Variants in ACBD6 observed in about 807,000 individuals in gnomAD.
The protein encoded by ACBD6 is acyl-CoA-binding domain-containing protein 6.
Under a neutral mutation model 37.2 loss-of-function variants are expected in ACBD6, and 28 were observed. That is an observed-to-expected ratio of 0.75 (90% CI 0.56 to 1.03). ACBD6 has a LOEUF of 1.03. Ranked by LOEUF, ACBD6 falls within the 50% of genes least tolerant of loss-of-function variation. The probability of loss-of-function intolerance (pLI) is 0.00; values close to 1 mark genes in which losing one functional copy is unlikely to be tolerated. For synonymous variants in ACBD6, 113 were observed against 126.8 expected, an observed-to-expected ratio of 0.89 and a Z score of 0.73; for missense variants, 340 against 337.4, an observed-to-expected ratio of 1.01 and a Z score of -0.06.
intron 6 of ACBD6, among the ~76,000 whole-genome samples, chr1:180,366,221 T>C (rs1021280391): frequency 1.3e-5 from 2 of 152,164 alleles, no homozygotes; most frequent in Non-Finnish European, 2.9e-5. Flanking sequence ...CTGAATTCAA[T>C]GAGGAAGAAT....
intron 7 of ACBD6, among the ~76,000 whole-genome samples, chr1:180,312,884 T>G (rs1233327867): frequency 1.3e-5 from 2 of 152,206 alleles, no homozygotes; most frequent in African/African-American, 4.8e-5. Context: ...ACAGTGTAAG[T>G]TAAGTATTTT....
chr1:180,365,114 C>T (rs962453337), intron 6 of ACBD6, among the ~76,000 whole-genome samples: 6 of 152,106 alleles, frequency 3.9e-5, no homozygotes, highest in Admixed American at 2.0e-4. Context: ...ATTCAGGTAA[C>T]GTGACTCCAA....
chr1:180,435,615 C>T, intron 3 of ACBD6: 1 of 1,074,954 alleles, frequency 9.3e-7, no homozygotes, highest in African/African-American at 1.5e-5. Flanking sequence ...GGCTACAAGA[C>T]TTATGAATTC....
At chr1:180,423,084 T>C (rs1648439373) in intron 4 of ACBD6, among the ~76,000 whole-genome samples, 1 of 152,178 alleles carries the variant, frequency 6.6e-6, no homozygotes, top group Non-Finnish European at 1.5e-5. Flanking sequence ...TGGTAGTAAA[T>C]GAAAAAATGG....
chr1:180,324,613 T>C (rs1215548325), intron 6 of ACBD6, among the ~76,000 whole-genome samples: 3 of 152,228 alleles, frequency 2.0e-5, no homozygotes, highest in Admixed American at 2.0e-4. Flanking sequence ...CTAGTCTTTC[T>C]ACTTAAGAGT....
At chr1:180,314,492 G>A (rs559217659) in intron 7 of ACBD6, among the ~76,000 whole-genome samples, 200 bp downstream of exon 7, 155 of 152,216 alleles carry the variant, frequency 1.0e-3, no homozygotes, top group African/African-American at 3.7e-3. Context: ...TGATCTGCCC[G>A]CCTCAGCCTC....
intron 4 of ACBD6, among the ~76,000 whole-genome samples, chr1:180,415,563 C>T (rs985974290): frequency 6.6e-6 from 1 of 152,180 alleles, no homozygotes; most frequent in Admixed American, 6.5e-5. Flanking sequence ...AGAACTGTGT[C>T]TTTTAAAGTC....
At chr1:180,460,838 T>G (rs60062917) in intron 3 of ACBD6, among the ~76,000 whole-genome samples, 1,709 of 152,276 alleles carry the variant, frequency 0.011, 45 homozygotes, top group African/African-American at 0.039. Context: ...CAGAGGGGCC[T>G]CTCTCCTCCA....
At chr1:180,451,426 A>G (rs1204787683) in intron 3 of ACBD6, among the ~76,000 whole-genome samples, 1 of 152,214 alleles carries the variant, frequency 6.6e-6, no homozygotes, top group Non-Finnish European at 1.5e-5. Flanking sequence ...ACTTGCACAC[A>G]AATGTTCACA....
chr1:180,422,193 A>T (rs973386974), intron 4 of ACBD6, among the ~76,000 whole-genome samples: 3 of 151,778 alleles, frequency 2.0e-5, no homozygotes, highest in Non-Finnish European at 4.4e-5. Context: ...ATGGTTCATG[A>T]ATTCCCTTTT....
At chr1:180,328,063 T>C (rs1167597508) in intron 6 of ACBD6, among the ~76,000 whole-genome samples, 1 of 152,286 alleles carries the variant, frequency 6.6e-6, no homozygotes, top group East Asian at 1.9e-4. Context: ...AGCTCAGGAT[T>C]GGTACAAGGA....
intron 1 of ACBD6, among the ~76,000 whole-genome samples, chr1:180,500,328 GTTAT>G (rs1250643809): frequency 6.6e-6 from 1 of 152,038 alleles, no homozygotes; most frequent in Non-Finnish European, 1.5e-5. Context: ...TTCCTGAACT[GTTAT>G]TTAACTCTTG....
At chr1:180,373,478 T>G (rs1437584850) in intron 6 of ACBD6, among the ~76,000 whole-genome samples, 1 of 152,222 alleles carries the variant, frequency 6.6e-6, no homozygotes, top group Non-Finnish European at 1.5e-5. Flanking sequence ...TATAGCTGGC[T>G]AATGCATAAA....
chr1:180,497,807 T>C (rs902344673), intron 1 of ACBD6, among the ~76,000 whole-genome samples: 2 of 152,170 alleles, frequency 1.3e-5, no homozygotes, highest in African/African-American at 4.8e-5. Flanking sequence ...TTGGTTGAAG[T>C]ATATGAAGAA....
intron 5 of ACBD6, among the ~76,000 whole-genome samples, chr1:180,399,399 G>A (rs1647249724): frequency 6.6e-6 from 1 of 152,130 alleles, no homozygotes; most frequent in African/African-American, 2.4e-5. Context: ...CCAAATAGCT[G>A]GGATTACAGG....
At chr1:180,468,554 T>C (rs1203711182) in intron 3 of ACBD6, among the ~76,000 whole-genome samples, 1 of 152,234 alleles carries the variant, frequency 6.6e-6, no homozygotes, top group African/African-American at 2.4e-5. Context: ...TACTGTTTTA[T>C]CTTACATTTC....
intron 6 of ACBD6, among the ~76,000 whole-genome samples, chr1:180,376,627 G>A (rs1653446615): frequency 6.6e-6 from 1 of 152,068 alleles, no homozygotes. Context: ...ATGAAAATGT[G>A]CACATACTCT....
At chr1:180,437,307 T>C (rs1649082265) in intron 3 of ACBD6, among the ~76,000 whole-genome samples, 1 of 152,158 alleles carries the variant, frequency 6.6e-6, no homozygotes, top group South Asian at 2.1e-4. Context: ...GGCTTGTGAC[T>C]GGTCAAGGGG....
At position 180,271,484 on chromosome 1, in the gene ACBD6, G is replaced by A. The variant is rs757908143; in HGVS notation, c.*1741C>T. 26 of 1,614,056 alleles carry A rather than the reference G, an allele frequency of 1.6e-5. No individual in the cohort carries two copies. The highest frequency in any genetic ancestry group is 2.0e-5 in the Non-Finnish European group (24 of 1,180,040). ...GAACTCCCCCAAGCCTGCCCGGCAC[G>A]TGAGGGAGCAGCTGTCCTCAGAGAC... is the stretch of plus-strand genomic sequence containing the variant. On this transcript the variant is annotated 3_prime_UTR_variant, in exon 14 of 14. Coordinates refer to the ACBD6 transcript ENST00000642319.
Sources: allele counts gnomAD v4.1 joint callset (sites outside exome capture counted in the v4.1 genomes callset), GRCh38; gene constraint gnomAD v4.1.1; transcripts MANE v1.5; gene names NCBI Gene and HGNC (gene_info 2026-07-23, HGNC 2026-07-21).